The following LRRC4C variants were observed in gnomAD, a reference collection of about 807,000 sequenced individuals.
The protein encoded by LRRC4C is leucine rich repeat containing 4C, also known as leucine-rich repeat-containing protein 4C.
A neutral mutation model predicts 33.6 loss-of-function variants in LRRC4C; 5 were observed. The observed-to-expected ratio is 0.15, with a 90% CI of 0.08 to 0.31. The LOEUF (loss-of-function observed/expected upper bound fraction) is 0.31. Ranked by LOEUF, LRRC4C falls within the 10% of genes least tolerant of loss-of-function variation. The probability of loss-of-function intolerance (pLI) is 1.00; values close to 1 mark genes in which losing one functional copy is unlikely to be tolerated. For missense variants in LRRC4C, 560 were observed against 796.7 expected (o/e 0.70, Z 3.58); for synonymous variants, 329 against 302.0 (o/e 1.09, Z -0.93).
chr11:41,342,058 T>C (rs184632704), intron 1 of LRRC4C, among the ~76,000 whole-genome samples: 28 of 152,302 alleles, frequency 1.8e-4, no homozygotes, highest in Non-Finnish European at 3.7e-4. Context: ...AAAAACATTT[T>C]TGAATAGGTG....
At chr11:41,162,772 G>A (rs565679023) in intron 1 of LRRC4C, among the ~76,000 whole-genome samples, 119 of 152,332 alleles carry the variant, frequency 7.8e-4, no homozygotes, top group Non-Finnish European at 1.5e-3. Flanking sequence ...GGGAGAGCCA[G>A]TGAATGAATA....
chr11:41,202,479 C>G lies in LRRC4C; in HGVS notation c.-496+256952G>C, dbSNP rs564617821. On this transcript the variant is annotated intron_variant, in intron 1 of 6. Coordinates refer to ENST00000528697, the MANE Select transcript of LRRC4C (RefSeq NM_001258419.2). Reference sequence around the variant, plus strand: ...CATTTATTGAGTATTCTCTATATATCAGACCTAGCACTAAATCACTTTACA... The same window carrying G: ...CATTTATTGAGTATTCTCTATATATGAGACCTAGCACTAAATCACTTTACA... 3.3e-5 allele frequency among the ~76,000 whole-genome samples: 5 copies of G among 152,282 alleles called. No homozygotes were observed. In the East Asian group the frequency reaches 7.7e-4, roughly 24 times the overall value.
At chr11:40,790,628 C>A (rs181758652) in intron 2 of LRRC4C, among the ~76,000 whole-genome samples, 2 of 152,186 alleles carry the variant, frequency 1.3e-5, no homozygotes, top group African/African-American at 2.4e-5. Flanking sequence ...GCATAGACAA[C>A]AACATCTCAT....
chr11:40,900,447 C>T (rs766272302), intron 2 of LRRC4C, among the ~76,000 whole-genome samples: 4 of 152,036 alleles, frequency 2.6e-5, no homozygotes, highest in Admixed American at 6.6e-5. Context: ...AATAATTGTG[C>T]TAATTGCCAC....
chr11:40,526,033 A>T (rs909032135), intron 3 of LRRC4C, among the ~76,000 whole-genome samples: 9 of 152,194 alleles, frequency 5.9e-5, no homozygotes, highest in African/African-American at 2.2e-4. Context: ...GGACATCCAT[A>T]TGAAAGAAAA....
At chr11:40,941,459 A>C (rs1958140749) in intron 1 of LRRC4C, among the ~76,000 whole-genome samples, 1 of 152,194 alleles carries the variant, frequency 6.6e-6, no homozygotes, top group Non-Finnish European at 1.5e-5. Flanking sequence ...TTTAGTGATG[A>C]GAGGTATTCA....
At chr11:40,753,535 A>G (rs1186837651) in intron 2 of LRRC4C, among the ~76,000 whole-genome samples, 2 of 142,642 alleles carry the variant, frequency 1.4e-5, no homozygotes, top group Non-Finnish European at 3.0e-5. Context: ...CAGTTCACAG[A>G]GGCACTTTTT....
At chr11:40,280,903 A>G (rs764536676) in intron 4 of LRRC4C, among the ~76,000 whole-genome samples, 20 of 152,170 alleles carry the variant, frequency 1.3e-4, no homozygotes, top group Non-Finnish European at 2.2e-4. Context: ...ATAGAAGACT[A>G]TATGTCTGAC....
At chr11:40,368,771 G>A (rs1948324520) in intron 3 of LRRC4C, among the ~76,000 whole-genome samples, 1 of 152,148 alleles carries the variant, frequency 6.6e-6, no homozygotes, top group Non-Finnish European at 1.5e-5. Flanking sequence ...TAGTGCTGAT[G>A]TGAATGTTAC....
chr11:40,480,467 C>A (rs1217673092), intron 3 of LRRC4C, among the ~76,000 whole-genome samples: 1 of 151,828 alleles, frequency 6.6e-6, no homozygotes, highest in Non-Finnish European at 1.5e-5. Flanking sequence ...CAACTAACAC[C>A]AGGGCATACT....
At chr11:40,827,993 C>T (rs1385389217) in intron 2 of LRRC4C, among the ~76,000 whole-genome samples, 1 of 151,676 alleles carries the variant, frequency 6.6e-6, no homozygotes, top group Non-Finnish European at 1.5e-5. Context: ...CTTTTAGAGT[C>T]TCTTCTACAT....
intron 3 of LRRC4C, among the ~76,000 whole-genome samples, chr11:40,396,151 A>C (rs935875936): frequency 6.6e-6 from 1 of 152,164 alleles, no homozygotes; most frequent in Non-Finnish European, 1.5e-5. Context: ...ACATTAAGAA[A>C]GTCTATTCTT....
chr11:40,835,543 T>G (rs954936294), intron 2 of LRRC4C, among the ~76,000 whole-genome samples: 1 of 152,204 alleles, frequency 6.6e-6, no homozygotes, highest in Non-Finnish European at 1.5e-5. Flanking sequence ...AACGTACTAA[T>G]GACCACAAAA....
intron 3 of LRRC4C, among the ~76,000 whole-genome samples, chr11:40,340,994 G>C (rs1452484): frequency 5.9e-5 from 9 of 152,234 alleles, no homozygotes; most frequent in Middle Eastern, 6.8e-3. Flanking sequence ...GGTCGTGAGT[G>C]CAGCACAAAA....
chr11:40,854,801 T>A (rs1449071995), intron 2 of LRRC4C, among the ~76,000 whole-genome samples: 1 of 151,566 alleles, frequency 6.6e-6, no homozygotes, highest in South Asian at 2.1e-4. Flanking sequence ...ATAAAAATAA[T>A]AAGATTCAGT....
intron 2 of LRRC4C, among the ~76,000 whole-genome samples, chr11:40,828,213 T>A (rs898094127): frequency 1.3e-5 from 2 of 151,076 alleles, no homozygotes; most frequent in African/African-American, 4.9e-5. Flanking sequence ...AGCATATAAG[T>A]ATATATTATA....
intron 4 of LRRC4C, among the ~76,000 whole-genome samples, chr11:40,305,902 G>A (rs1452461): frequency 0.89 from 135,465 of 152,284 alleles, 60,667 homozygotes; most frequent in Middle Eastern, 0.97. Context: ...CATATTTGCT[G>A]TTATTAATAA....
intron 1 of LRRC4C, among the ~76,000 whole-genome samples, chr11:41,090,698 G>T (rs190380056): frequency 6.6e-6 from 1 of 152,212 alleles, no homozygotes; most frequent in Admixed American, 6.6e-5. Context: ...CAGGTGAGAA[G>T]GTGATTGCAT....
At chr11:40,389,852 C>T (rs1369736314) in intron 3 of LRRC4C, among the ~76,000 whole-genome samples, 1 of 152,118 alleles carries the variant, frequency 6.6e-6, no homozygotes, top group African/African-American at 2.4e-5. Flanking sequence ...AGTCACCAAA[C>T]ATGTAAATGA....
Sources: gnomAD v4.1 joint callset for allele counts (sites outside exome capture counted in the v4.1 genomes callset) on GRCh38, gnomAD v4.1.1 for gene constraint, MANE v1.5 for transcripts, NCBI Gene and HGNC (gene_info 2026-07-23, HGNC 2026-07-21) for gene names.